Variants in RTN4IP1 observed in about 807,000 individuals in gnomAD.
The protein encoded by RTN4IP1 is NAD(P)H oxidoreductase RTN4IP1, mitochondrial.
In RTN4IP1, 32 loss-of-function variants were observed where a neutral mutation model predicts 46.6. The observed-to-expected ratio is 0.69, with a 90% CI of 0.52 to 0.92. The LOEUF is 0.92. RTN4IP1 is among the 40% of genes least tolerant of loss of function. The pLI is 0.00. For missense variants in RTN4IP1, 424 were observed against 485.8 expected, an observed-to-expected ratio of 0.87 and a Z score of 1.20; for synonymous variants, 167 against 161.8, an observed-to-expected ratio of 1.03 and a Z score of -0.24.
At chr6:106,582,317 G>A (rs1452979904) in intron 8 of RTN4IP1, among the ~76,000 whole-genome samples, 2 of 152,164 alleles carry the variant, frequency 1.3e-5, no homozygotes, top group African/African-American at 2.4e-5. Flanking sequence ...GTCTCAGAGT[G>A]GTTCACACAA....
At chr6:106,583,198 TA>T in intron 8 of RTN4IP1, 129 bp downstream of exon 8, 1 of 664,282 alleles carries the variant, frequency 1.5e-6, no homozygotes, top group Non-Finnish European at 2.6e-6. Flanking sequence ...CTTGGCCATG[TA>T]AGGCAGCACA....
chr6:106,592,966 A>T (rs1315221102), intron 5 of RTN4IP1, among the ~76,000 whole-genome samples: 4 of 151,972 alleles, frequency 2.6e-5, no homozygotes, highest in African/African-American at 9.7e-5. Context: ...ACTTTCAAGG[A>T]TAGCAAAGTT....
intron 6 of RTN4IP1, among the ~76,000 whole-genome samples, chr6:106,589,141 G>A (rs1411443759): frequency 6.2e-5 from 6 of 97,264 alleles, no homozygotes; most frequent in Non-Finnish European, 8.5e-5. Context: ...AAGAAGAAGA[G>A]GAAGAGGAAG....
In RTN4IP1 at chr6:106,629,174, T is replaced by C. The variant is rs1272096616; in HGVS notation, c.-153A>G. 7.6e-6 allele frequency: 5 copies of C among 657,900 alleles called. No individual in the cohort carries two copies. Among genetic ancestry groups the C allele is most frequent in the African/African-American group, 3.6e-5 (2 of 54,878 alleles). The allele number at this position is 657,900 out of a possible 1,614,324, so 40.8% of individuals were successfully genotyped here. A position where few individuals can be genotyped will look rare whatever the true frequency, so the allele number is the denominator to read the frequency against. On this transcript the variant is annotated 5_prime_UTR_variant, in exon 1 of 9. Coordinates refer to ENST00000369063, the MANE Select transcript of RTN4IP1 (RefSeq NM_032730.5). ...GCATTCGAAAATGAAGCTAATCTAA[T>C]GGAGAAACTGAAAGAAGAATACGGA...
At chr6:106,591,207 G>A (rs1007079398) in intron 6 of RTN4IP1, among the ~76,000 whole-genome samples, 11 of 151,700 alleles carry the variant, frequency 7.3e-5, no homozygotes, top group African/African-American at 1.5e-4. Context: ...CACTAAAACC[G>A]CCCAAACAAG....
At position 106,626,730 on chromosome 6, in the gene RTN4IP1, G is replaced by A. The variant is rs147036228; in HGVS notation, c.274+2018C>T. ...GTTTGGTGACACGGATGACTGAATG[G>A]GGCCCTTAAGTGTTCCATCCTATTG... On this transcript the variant is annotated intron_variant, in intron 1 of 8. Coordinates refer to ENST00000369063, the MANE Select transcript of RTN4IP1 (RefSeq NM_032730.5). 5.4e-3 allele frequency among the ~76,000 whole-genome samples: 821 copies of A among 152,276 alleles called. 5 individuals carry two copies. The highest frequency in any genetic ancestry group is 8.1e-3 in the Non-Finnish European group (549 of 68,024).
At chr6:106,590,152 CA>C (rs966819250) in intron 6 of RTN4IP1, among the ~76,000 whole-genome samples, 2 of 147,514 alleles carry the variant, frequency 1.4e-5, no homozygotes, top group Non-Finnish European at 1.5e-5. Flanking sequence ...ACTATCTCCA[CA>C]AAAAAAAAAT....
At chr6:106,628,337 T>A (rs190498884) in intron 1 of RTN4IP1, among the ~76,000 whole-genome samples, 9 of 151,382 alleles carry the variant, frequency 5.9e-5, no homozygotes, top group Non-Finnish European at 1.2e-4. Flanking sequence ...TGTGGTGGCA[T>A]GCGCCTGTAA....
At chr6:106,598,736 A>G (rs1775869355) in intron 5 of RTN4IP1, among the ~76,000 whole-genome samples, 1 of 151,258 alleles carries the variant, frequency 6.6e-6, no homozygotes, top group Non-Finnish European at 1.5e-5. Flanking sequence ...TTTTGTTGCC[A>G]TTGCTTTTGG....
chr6:106,586,030 A>C lies in RTN4IP1; in HGVS notation c.990+1649T>G, dbSNP rs964957211. On this transcript the variant is annotated intron_variant, in intron 7 of 8. Transcript: ENST00000369063. The stretch of plus-strand genomic sequence containing the variant: ...TGGCTACTGTCTGAATCAAATGAAA[A>C]TAAAGAACACCACAGTGCAGCGCTT... 6.6e-4 allele frequency among the ~76,000 whole-genome samples: 101 copies of C among 152,186 alleles called. 1 individual carries two copies. The highest frequency in any genetic ancestry group is 1.9e-4 in the Non-Finnish European group (13 of 68,034).
At chr6:106,613,041 T>G (rs552887178) in intron 4 of RTN4IP1, among the ~76,000 whole-genome samples, 3 of 152,344 alleles carry the variant, frequency 2.0e-5, no homozygotes, top group African/African-American at 7.2e-5. Flanking sequence ...CGAAACTTTA[T>G]ATGTAACAGA....
chr6:106,576,409 T>G (rs1176596091), intron 8 of RTN4IP1, among the ~76,000 whole-genome samples: 1 of 152,172 alleles, frequency 6.6e-6, no homozygotes, highest in Non-Finnish European at 1.5e-5. Flanking sequence ...ACAATTTCAG[T>G]AGCATCAGAA....
chr6:106,572,826 C>A (rs1775109517), intron 8 of RTN4IP1, among the ~76,000 whole-genome samples: 3 of 151,928 alleles, frequency 2.0e-5, no homozygotes, highest in Non-Finnish European at 2.9e-5. Flanking sequence ...GCATATCTAC[C>A]CAACCAGAGC....
At chr6:106,603,573 G>A (rs557106032) in intron 4 of RTN4IP1, among the ~76,000 whole-genome samples, 2 of 152,236 alleles carry the variant, frequency 1.3e-5, no homozygotes, top group East Asian at 3.9e-4. Flanking sequence ...AGGGTGAAGG[G>A]GTGAGGGGTA....
intron 5 of RTN4IP1, among the ~76,000 whole-genome samples, chr6:106,594,778 C>CT (rs749920749): frequency 6.6e-6 from 1 of 151,936 alleles, no homozygotes; most frequent in African/African-American, 2.4e-5. Context: ...TTTTAAATCT[C>CT]TTTTTTTATT....
At chr6:106,608,745 T>C (rs1176592893) in intron 4 of RTN4IP1, among the ~76,000 whole-genome samples, 2 of 152,216 alleles carry the variant, frequency 1.3e-5, no homozygotes, top group Non-Finnish European at 2.9e-5. Context: ...CCTTTTGCCC[T>C]GACAATTCAA....
rs913353262 is a variant in RTN4IP1, at chr6:106,612,279, C to G, written c.620+6923G>C. On this transcript the variant is annotated intron_variant, in intron 4 of 8. Coordinates refer to ENST00000369063, the MANE Select transcript of RTN4IP1 (RefSeq NM_032730.5). ...GCGGGCACCTATAATCCCAGCTACT[C>G]GGGAGGCTGATGCAGGAGAATCGTT... 3.4e-5 allele frequency among the ~76,000 whole-genome samples: 5 copies of G among 148,034 alleles called. No individual in the cohort carries two copies. The East Asian group carries it at 1.0e-3, about 30-fold the overall frequency.
intron 4 of RTN4IP1, among the ~76,000 whole-genome samples, chr6:106,608,045 C>T (rs1291750487): frequency 6.6e-6 from 1 of 152,118 alleles, no homozygotes; most frequent in Non-Finnish European, 1.5e-5. Flanking sequence ...TTTAATACAA[C>T]ACTATTTGCA....
chr6:106,608,858 T>C (rs1776152122), intron 4 of RTN4IP1, among the ~76,000 whole-genome samples: 1 of 152,230 alleles, frequency 6.6e-6, no homozygotes, highest in African/African-American at 2.4e-5. Context: ...CCTCTTACTT[T>C]TGTCCATTCT....
Sources: gnomAD v4.1 joint callset for allele counts (sites outside exome capture counted in the v4.1 genomes callset) on GRCh38, gnomAD v4.1.1 for gene constraint, MANE v1.5 for transcripts, NCBI Gene and HGNC (gene_info 2026-07-23, HGNC 2026-07-21) for gene names.